The following CEACAM20 variants were observed in gnomAD, a reference collection of about 807,000 sequenced individuals.
The protein encoded by CEACAM20 is CEA cell adhesion molecule 20, also known as cell adhesion molecule CEACAM20.
CEACAM20 carries 50 observed loss-of-function variants against 61.2 expected under a neutral mutation model. That is an observed-to-expected ratio of 0.82 (90% CI 0.65 to 1.03). The LOEUF (loss-of-function observed/expected upper bound fraction) is 1.03. CEACAM20 is among the 50% of genes least tolerant of loss of function. The pLI, the probability that CEACAM20 is intolerant of heterozygous loss-of-function variation, is 0.00. For missense variants in CEACAM20, 683 were observed against 736.4 expected (o/e 0.93, Z 0.84); for synonymous variants, 282 against 287.7 (o/e 0.98, Z 0.20).
At position 44,524,184 on chromosome 19, in the gene CEACAM20, T is replaced by C; in HGVS notation, c.274A>G (p.Thr92Ala). The C allele has an allele frequency of 6.2e-7, 1 of 1,613,958 alleles. No individual in the cohort carries two copies. ...QKDMVTFYCT[T>A]KDVNITIHWV... ...TGGATGGTAATGTTGACGTCCTTAG[T>C]GGTGCAGTAGAAGGTCACCATGTCC... is the stretch of plus-strand genomic sequence containing the variant. Residue 92 changes from threonine (T) to alanine (A), a missense_variant, in exon 3 of 12, where the codon ACT (threonine) becomes GCT (alanine). Transcript: ENST00000614924.
In CEACAM20 at chr19:44,511,677, G is replaced by A. The variant is rs753719923; in HGVS notation, c.1576-5C>T. On this transcript the variant is annotated splice_polypyrimidine_tract_variant and splice_region_variant and intron_variant, in intron 9 of 11. Coordinates refer to ENST00000614924, the MANE Select transcript of CEACAM20 (RefSeq NM_001102597.3). ...TGGAAGGTCTGGTGGTTGCATCTGG[G>A]GAAAAACAAAGTTGCAGAGAGGTCA... 4.1e-4 allele frequency: 659 copies of A among 1,612,334 alleles called. No individual in the cohort carries two copies. Among genetic ancestry groups the A allele is most frequent in the Non-Finnish European group, 5.1e-4 (599 of 1,179,404 alleles).
At chr19:44,516,093 A>C (rs901557805) in intron 6 of CEACAM20, among the ~76,000 whole-genome samples, 4 of 152,252 alleles carry the variant, frequency 2.6e-5, no homozygotes, top group African/African-American at 9.6e-5. Context: ...AGGGTAAGTA[A>C]CTTGTCCAAG....
chr19:44,514,679 A>C (rs946581212), intron 6 of CEACAM20, among the ~76,000 whole-genome samples: 4 of 151,488 alleles, frequency 2.6e-5, no homozygotes, highest in Non-Finnish European at 4.4e-5. Context: ...GGCTGGTCTC[A>C]AACTCCTGAC....
At chr19:44,520,780 G>A (rs1971338255) in intron 4 of CEACAM20, 28 bp from the exon 5 acceptor site, 1 of 1,595,898 alleles carries the variant, frequency 6.3e-7, no homozygotes, top group South Asian at 1.1e-5. Context: ...TACACAGTCA[G>A]GTTCAGGGAG....
At chr19:44,517,369 G>T (rs1027691949) in intron 5 of CEACAM20, 145 bp from the exon 6 acceptor site, 7 of 1,034,394 alleles carry the variant, frequency 6.8e-6, no homozygotes, top group African/African-American at 6.4e-5. Flanking sequence ...AGCAGAGTGT[G>T]GTCCACAACA....
intron 1 of CEACAM20, among the ~76,000 whole-genome samples, chr19:44,527,622 T>G (rs1599692389): frequency 6.6e-6 from 1 of 151,652 alleles, no homozygotes; most frequent in Admixed American, 6.6e-5. Context: ...TCTCACAGGG[T>G]CCTGCCGTTG....
intron 6 of CEACAM20, among the ~76,000 whole-genome samples, chr19:44,513,829 C>G (rs987608881): frequency 6.6e-6 from 1 of 152,190 alleles, no homozygotes; most frequent in Non-Finnish European, 1.5e-5. Flanking sequence ...GGGCATGCTA[C>G]TTAACCTCTC....
chr19:44,510,610 A>AAGAAAGAAAGAAAGAAAG (rs1446342735), intron 11 of CEACAM20, among the ~76,000 whole-genome samples: 17 of 58,950 alleles, frequency 2.9e-4, no homozygotes, highest in South Asian at 1.1e-3. Flanking sequence ...GAAAGAAAGA[A>AAGAAAGAAAGAAAGAAAG]AAAGGAAGGA....
chr19:44,506,324 C>G, intron 11 of CEACAM20, 110 bp from the exon 12 acceptor site: 1 of 897,990 alleles, frequency 1.1e-6, no homozygotes, highest in Non-Finnish European at 1.7e-6. Flanking sequence ...TTTGGAAATT[C>G]CAAAAATCTT....
At chr19:44,521,395 G>T (rs1490034037) in intron 4 of CEACAM20, among the ~76,000 whole-genome samples, 1 of 152,060 alleles carries the variant, frequency 6.6e-6, no homozygotes, top group Non-Finnish European at 1.5e-5. Context: ...GTGCATATTA[G>T]GTGTATATAT....
chr19:44,514,759 G>A lies in CEACAM20; in HGVS notation c.1310-1470C>T, dbSNP rs993607039. 3.3e-5 allele frequency among the ~76,000 whole-genome samples: 5 copies of A among 151,850 alleles called. No homozygotes were observed. In the South Asian group the frequency reaches 8.3e-4, roughly 25 times the overall value. On this transcript the variant is annotated intron_variant, in intron 6 of 11. Coordinates refer to ENST00000614924, the MANE Select transcript of CEACAM20 (RefSeq NM_001102597.3). ...CAGGCATGAGCCACCATGCCTGGCC[G>A]CATCTCCATTTCTTTATATGCCAAG...
At chr19:44,529,122 A>G (rs1971632059) in intron 1 of CEACAM20, among the ~76,000 whole-genome samples, 1 of 150,718 alleles carries the variant, frequency 6.6e-6, no homozygotes, top group African/African-American at 2.4e-5. Context: ...GTACCACCAC[A>G]CCCAGCTAAT....
chr19:44,517,286 C>T, intron 5 of CEACAM20, 62 bp from the exon 6 acceptor site: 1 of 1,567,452 alleles, frequency 6.4e-7, no homozygotes, highest in Non-Finnish European at 8.7e-7. Flanking sequence ...CCATTCTGCC[C>T]CATTCACTTT....
At chr19:44,518,090 GAAA>G (rs2123594987) in intron 5 of CEACAM20, among the ~76,000 whole-genome samples, 1 of 102,910 alleles carries the variant, frequency 9.7e-6, no homozygotes, top group Non-Finnish European at 1.8e-5. Context: ...AGGAAAGAAA[GAAA>G]GAAAGAAAGA....
intron 2 of CEACAM20, 103 bp downstream of exon 2, chr19:44,524,998 A>C: frequency 6.9e-7 from 1 of 1,445,432 alleles, no homozygotes; most frequent in Non-Finnish European, 9.5e-7. Context: ...ACCCTGGCTG[A>C]GCCAATCAGA....
At position 44,513,248 on chromosome 19, in the gene CEACAM20, T is replaced by C; in HGVS notation, c.1351A>G (p.Ile451Val). The C allele has an allele frequency of 1.9e-6, 3 of 1,613,600 alleles. No homozygotes were observed. Among genetic ancestry groups the C allele is most frequent in the Middle Eastern group, 3.3e-4 (2 of 6,062 alleles). The change falls in exon 7 of 12, where the codon ATT becomes GTT. Residue 451 changes from isoleucine to valine, a missense_variant. By Grantham distance (29) the Ile-to-Val change is conservative. Coordinates refer to ENST00000614924, the MANE Select transcript of CEACAM20 (RefSeq NM_001102597.3). ...ATGACAGCCAGGATCCCGATGACAA[T>C]ACCAGCGATGGCCCCTGAGGACAGG... ...SSLSSGAIAGIVIGILAVIAV... is the reference protein window; with the variant it reads ...SSLSSGAIAGVVIGILAVIAV...
intron 11 of CEACAM20, among the ~76,000 whole-genome samples, chr19:44,509,000 T>C (rs1234596643): frequency 1.3e-5 from 2 of 151,894 alleles, no homozygotes. Context: ...AAATGAAAGA[T>C]TGGAAAGGAA....
chr19:44,518,289 G>T (rs1486387992), intron 5 of CEACAM20, among the ~76,000 whole-genome samples: 1 of 152,016 alleles, frequency 6.6e-6, no homozygotes, highest in African/African-American at 2.4e-5. Context: ...TGCGTCCTGT[G>T]TATATAATCC....
At chr19:44,518,081 GGAAA>G (rs1215153815) in intron 5 of CEACAM20, among the ~76,000 whole-genome samples, 144 of 105,984 alleles carry the variant, frequency 1.4e-3, no homozygotes, top group Middle Eastern at 4.2e-3. Context: ...AAAGGAAAGA[GGAAA>G]GAAAGAAAGA....
Sources: allele counts gnomAD v4.1 joint callset (sites outside exome capture counted in the v4.1 genomes callset), GRCh38; gene constraint gnomAD v4.1.1; transcripts MANE v1.5; gene names NCBI Gene and HGNC (gene_info 2026-07-23, HGNC 2026-07-21).